Variants in RBM4 observed in about 807,000 individuals in gnomAD.
The protein encoded by RBM4 is RNA-binding protein 4.
In RBM4, 7 loss-of-function variants were observed where a neutral mutation model predicts 29.5. The observed-to-expected ratio is 0.24, with a 90% CI of 0.14 to 0.45. The LOEUF (loss-of-function observed/expected upper bound fraction) is 0.45. Ranked by LOEUF, RBM4 falls within the 20% of genes least tolerant of loss-of-function variation. The probability of loss-of-function intolerance (pLI) is 1.00; values close to 1 mark genes in which losing one functional copy is unlikely to be tolerated. For synonymous variants in RBM4, 220 were observed against 205.4 expected, an observed-to-expected ratio of 1.07 and a Z score of -0.61; for missense variants, 387 against 502.3, an observed-to-expected ratio of 0.77 and a Z score of 2.19.
chr11:66,647,770 G>A (rs1440662748), downstream of RBM4, among the ~76,000 whole-genome samples: 1 of 152,190 alleles, frequency 6.6e-6, no homozygotes, highest in Non-Finnish European at 1.5e-5. Context: ...TACGGTTCTG[G>A]AGCTTCTATT....
intron 2 of RBM4, among the ~76,000 whole-genome samples, chr11:66,661,182 C>T (rs1347011634): frequency 6.6e-6 from 1 of 152,208 alleles, no homozygotes; most frequent in Non-Finnish European, 1.5e-5. Context: ...TCATTTCTTG[C>T]ATTTCATTTC....
chr11:66,649,485 G>T (rs1022587525), downstream of RBM4, among the ~76,000 whole-genome samples: 2 of 152,166 alleles, frequency 1.3e-5, no homozygotes, highest in African/African-American at 2.4e-5. Context: ...TTCAAGCTGT[G>T]GTGAGCTGAT....
At chr11:66,644,457 G>A (rs886809846) in intron 3 of RBM4, 13 of 241,180 alleles carry the variant, frequency 5.4e-5, no homozygotes, top group Non-Finnish European at 8.4e-5. Flanking sequence ...CCTTACCTGG[G>A]GACCCACACG....
intron 2 of RBM4, chr11:66,665,554 A>AG (rs1406480383): frequency 2.6e-6 from 4 of 1,529,824 alleles, no homozygotes; most frequent in Non-Finnish European, 3.5e-6. Flanking sequence ...CCGCAGCCCG[A>AG]GGGTTCAGTC....
chr11:66,665,909 T>C, exon 3 of RBM4: 1 of 1,535,504 alleles, frequency 6.5e-7, no homozygotes, highest in Non-Finnish European at 8.7e-7. Flanking sequence ...AGGGCATACA[T>C]ACATTTTCAA....
At position 66,640,053 on chromosome 11, in the gene RBM4, C is replaced by G. The variant is rs566430381; in HGVS notation, c.342C>G (p.Ala114=). The G allele has an allele frequency of 1.2e-6, 2 of 1,614,062 alleles. No homozygotes were observed. The highest frequency in any genetic ancestry group is 2.7e-5 in the African/African-American group (2 of 74,904). Residue 114 remains alanine (A), a synonymous_variant, in exon 2 of 4, where the codon GCC becomes GCG. Coordinates refer to ENST00000310092, the MANE Select transcript of RBM4 (RefSeq NM_002896.4). ...VIECDIVKDY[A]FVHMERAEDA... ...AATGTGACATCGTGAAAGATTATGC[C>G]TTCGTACACATGGAGCGGGCAGAGG...
At chr11:66,649,650 A>G (rs1938784192), downstream of RBM4, 1 of 657,644 alleles carries the variant, frequency 1.5e-6, no homozygotes, top group Non-Finnish European at 2.8e-6. Context: ...AGTGGAAGCC[A>G]CATAGTTGGC....
At chr11:66,644,754 G>T (rs974986327) in intron 3 of RBM4, 1 of 914,876 alleles carries the variant, frequency 1.1e-6, no homozygotes, top group Admixed American at 6.2e-5. Context: ...GTAAGTTGGG[G>T]TAGAGAGAAA....
chr11:66,658,337 C>CTTTTT lies in RBM4; in HGVS notation c.413-7498_413-7494dup, dbSNP rs35133059. 2.2e-4 allele frequency among the ~76,000 whole-genome samples: 11 copies of CTTTTT among 50,458 alleles called. No homozygotes were observed. In the East Asian group the frequency reaches 2.8e-3, roughly 13 times the overall value. 33.1% of individuals were successfully genotyped at this position (50,458 alleles called of 152,430 possible). ...GCCACTGTGCCTGGCCTAGTCTGAC[C>CTTTTT]TTTTTTTTTTTTTTTTTTTTTTTTT... On this transcript the variant is annotated intron_variant, in intron 2 of 2. Transcript: ENST00000396053.
chr11:66,665,282 G>C, intron 2 of RBM4: 1 of 422,460 alleles, frequency 2.4e-6, no homozygotes, highest in South Asian at 2.8e-5. Context: ...TCAACTCCTA[G>C]GGAAAGCAAG....
chr11:66,639,122 A>G (rs1328262472), intron 1 of RBM4: 2 of 152,204 alleles, frequency 1.3e-5, no homozygotes, highest in African/African-American at 2.4e-5. Context: ...CGCGCATTTC[A>G]GTGTTCGGCA....
At chr11:66,644,499 TTTG>T (rs758845528) in intron 3 of RBM4, 25 of 254,550 alleles carry the variant, frequency 9.8e-5, no homozygotes, top group Middle Eastern at 1.8e-3. Context: ...TCTTAGAGCC[TTTG>T]TTAAGTTTCC....
exon 3 of RBM4, chr11:66,666,100 C>T: frequency 1.2e-6 from 1 of 847,398 alleles, no homozygotes; most frequent in Non-Finnish European, 1.8e-6. Flanking sequence ...AATTCCAACA[C>T]ACCTACATGT....
At chr11:66,642,500 C>A (rs746214359) in intron 2 of RBM4, among the ~76,000 whole-genome samples, 1 of 152,142 alleles carries the variant, frequency 6.6e-6, no homozygotes, top group Non-Finnish European at 1.5e-5. Context: ...TAATACTTTT[C>A]ATTTCCAGAA....
intron 2 of RBM4, among the ~76,000 whole-genome samples, chr11:66,662,856 T>G (rs190693671): frequency 5.3e-5 from 8 of 152,330 alleles, no homozygotes. Context: ...TTATTTTCCC[T>G]TTTGTAAAAC....
chr11:66,643,871 G>C lies in RBM4; in HGVS notation c.834G>C (p.Pro278=), dbSNP rs758173651. ...SLDPYDRHLL[P]TSGAAATAAA... is the part of the protein sequence containing the mutation. Reference sequence around the variant, plus strand: ...ATCCCTACGATAGACACCTGTTGCCGACCTCAGGAGCTGCTGCCACAGCTG... The same window carrying C: ...ATCCCTACGATAGACACCTGTTGCCCACCTCAGGAGCTGCTGCCACAGCTG... Residue 278 remains proline (P), a synonymous_variant, in exon 3 of 4, where the codon CCG becomes CCC. Transcript: ENST00000310092. This position sits in a 1 kb window ranked among gnomAD's most constrained non-coding sequence, Gnocchi z 6.1. 1 of 1,613,566 alleles carries C rather than the reference G, an allele frequency of 6.2e-7. No individual in the cohort carries two copies. The highest frequency in any genetic ancestry group is 8.5e-7 in the Non-Finnish European group (1 of 1,179,974).
At chr11:66,642,717 A>G (rs1023514083) in intron 2 of RBM4, among the ~76,000 whole-genome samples, 5 of 152,180 alleles carry the variant, frequency 3.3e-5, no homozygotes, top group East Asian at 3.8e-4. Context: ...TTTGAGAACA[A>G]TCTGTCCTGT....
chr11:66,647,225 C>T (rs1487313528), downstream of RBM4, among the ~76,000 whole-genome samples: 1 of 152,234 alleles, frequency 6.6e-6, no homozygotes, highest in Non-Finnish European at 1.5e-5. Flanking sequence ...TTCTCAGAAT[C>T]ATTCAACAAA....
rs1938689391 is a variant in RBM4, at chr11:66,646,304, G to C, written c.*286G>C. ...ATTGTGTGCAGAAACTGTGGTGGGG[G>C]CTGTGCTGTCTCCTCCCTGCCTCCT... is the stretch of plus-strand genomic sequence containing the variant. On this transcript the variant is annotated 3_prime_UTR_variant, in exon 4 of 4. Coordinates refer to ENST00000310092, the MANE Select transcript of RBM4 (RefSeq NM_002896.4). 6 of 1,343,342 alleles carry C rather than the reference G, an allele frequency of 4.5e-6. No individual in the cohort carries two copies. The highest frequency in any genetic ancestry group is 5.7e-6 in the Non-Finnish European group (6 of 1,044,194). The allele number at this position is 1,343,342 out of a possible 1,614,324, so 83.2% of individuals were successfully genotyped here. A position where few individuals can be genotyped will look rare whatever the true frequency, so the allele number is the denominator to read the frequency against.
Sources: allele counts gnomAD v4.1 joint callset (sites outside exome capture counted in the v4.1 genomes callset), GRCh38; gene constraint gnomAD v4.1.1; non-coding constraint Gnocchi (gnomAD v3.1); transcripts MANE v1.5; gene names NCBI Gene and HGNC (gene_info 2026-07-23, HGNC 2026-07-21).